The following GTPBP10 variants were observed in gnomAD, a reference collection of about 807,000 sequenced individuals.
GTPBP10 encodes GTP-binding protein 10.
Under a neutral mutation model 44.8 loss-of-function variants are expected in GTPBP10, and 38 were observed. That is an observed-to-expected ratio of 0.85 (90% CI 0.65 to 1.11). The LOEUF is 1.11. GTPBP10 is among the 50% of genes most tolerant of loss of function. The probability of loss-of-function intolerance (pLI) is 0.00; values close to 1 mark genes in which losing one functional copy is unlikely to be tolerated. For synonymous variants in GTPBP10, 152 were observed against 150.6 expected (o/e 1.01, Z -0.07); for missense variants, 462 against 453.7 (o/e 1.02, Z -0.17).
At chr7:90,368,187 T>G (rs1472993883) in intron 4 of GTPBP10, among the ~76,000 whole-genome samples, 5 of 152,206 alleles carry the variant, frequency 3.3e-5, no homozygotes, top group South Asian at 2.1e-4. Context: ...TGGGTAACCG[T>G]ACCTTTCTCT....
At chr7:90,364,829 G>A (rs547133347) in intron 4 of GTPBP10, among the ~76,000 whole-genome samples, 1 of 152,272 alleles carries the variant, frequency 6.6e-6, no homozygotes, top group African/African-American at 2.4e-5. Context: ...GCAATGGCGG[G>A]CACCCCTCCC....
At chr7:90,374,583 T>G (rs937145870) in intron 6 of GTPBP10, among the ~76,000 whole-genome samples, 2 of 152,226 alleles carry the variant, frequency 1.3e-5, no homozygotes, top group African/African-American at 4.8e-5. Context: ...ACATTATGTC[T>G]TCTTCTTAGC....
At chr7:90,381,057 A>G (rs1796427969) in intron 8 of GTPBP10, among the ~76,000 whole-genome samples, 1 of 152,162 alleles carries the variant, frequency 6.6e-6, no homozygotes, top group Admixed American at 6.5e-5. Context: ...GGTTGATTCC[A>G]TGTCTCGGCT....
chr7:90,372,510 G>GTTTTTTT (rs1796278999), intron 5 of GTPBP10, among the ~76,000 whole-genome samples: 2 of 93,606 alleles, frequency 2.1e-5, no homozygotes, highest in African/African-American at 9.1e-5. Flanking sequence ...GGGGACAGGG[G>GTTTTTTT]TTTCGCCATG....
intron 1 of GTPBP10, 134 bp from the exon 2 acceptor site, chr7:90,352,682 A>C: frequency 1.7e-6 from 1 of 578,912 alleles, no homozygotes; most frequent in Non-Finnish European, 2.9e-6. Flanking sequence ...AGCTAAGAAA[A>C]TGTTATAGAA....
intron 8 of GTPBP10, among the ~76,000 whole-genome samples, chr7:90,378,538 C>CT (rs1796383266): frequency 1.3e-5 from 2 of 152,114 alleles, no homozygotes; most frequent in African/African-American, 2.4e-5. Context: ...TATTTCTACT[C>CT]TTACACTATT....
chr7:90,384,602 C>A (rs1473790012), intron 9 of GTPBP10, among the ~76,000 whole-genome samples: 1 of 151,234 alleles, frequency 6.6e-6, no homozygotes, highest in East Asian at 1.9e-4. Flanking sequence ...TAACCCCCCC[C>A]ACACACACAA....
At chr7:90,350,435 G>A (rs928917985) in intron 1 of GTPBP10, among the ~76,000 whole-genome samples, 11 of 149,608 alleles carry the variant, frequency 7.4e-5, no homozygotes, top group African/African-American at 2.5e-4. Flanking sequence ...GGATGGCTGG[G>A]TCAAATGGTA....
chr7:90,387,920 A>T lies in GTPBP10; in HGVS notation c.*2766A>T, dbSNP rs1796552634. The stretch of plus-strand genomic sequence containing the variant: ...CATTGTTTTCTAAATGTAAACAAGT[A>T]TCAATGTAAGGACAGTTTCATCAGG... On this transcript the variant is annotated 3_prime_UTR_variant, in exon 10 of 10. Transcript: ENST00000222511. 1 of 152,220 alleles carries T rather than the reference A, an allele frequency of 6.6e-6. No homozygotes were observed. The highest frequency in any genetic ancestry group is 1.5e-5 in the Non-Finnish European group (1 of 68,046). 9.4% of individuals were successfully genotyped at this position (152,220 alleles called of 1,614,324 possible).
intron 5 of GTPBP10, among the ~76,000 whole-genome samples, chr7:90,374,000 G>A (rs548090178): frequency 1.3e-5 from 2 of 152,108 alleles, no homozygotes; most frequent in South Asian, 2.1e-4. Flanking sequence ...TGCCATGTCT[G>A]CCTAGTTTTA....
In GTPBP10 at chr7:90,391,073, C is replaced by A. The variant is rs1796606900; in HGVS notation, c.*5919C>A. The stretch of plus-strand genomic sequence containing the variant: ...AGAGGACTATATAAAAATTGAACCT[C>A]TGTTTTGAAAACAAATCTTTCCAGG... On this transcript the variant is annotated 3_prime_UTR_variant, in exon 10 of 10. Coordinates refer to ENST00000222511, the MANE Select transcript of GTPBP10 (RefSeq NM_033107.4). The A allele has an allele frequency of 6.6e-6, 1 of 152,152 alleles. No individual in the cohort carries two copies. The highest frequency in any genetic ancestry group is 1.5e-5 in the Non-Finnish European group (1 of 68,010). 9.4% of individuals were successfully genotyped at this position (152,152 alleles called of 1,614,324 possible).
chr7:90,370,862 C>G (rs766185780), intron 4 of GTPBP10, among the ~76,000 whole-genome samples: 1 of 151,850 alleles, frequency 6.6e-6, no homozygotes, highest in Admixed American at 6.6e-5. Flanking sequence ...AAAAAATTAG[C>G]CAGGCATTGT....
chr7:90,372,422 C>T lies in GTPBP10; in HGVS notation c.538+194C>T, dbSNP rs557240811. ...CACTGCAGCCCAGGCTCAAGCCATC[C>T]CCCTGCATCAGCCTCCCATGTAGAT... On this transcript the variant is annotated intron_variant, in intron 5 of 9. Coordinates refer to ENST00000222511, the MANE Select transcript of GTPBP10 (RefSeq NM_033107.4). 3.6e-5 allele frequency among the ~76,000 whole-genome samples: 5 copies of T among 140,554 alleles called. No individual in the cohort carries two copies. The East Asian group carries it at 1.0e-3, about 29-fold the overall frequency. The allele number at this position is 140,554 out of a possible 152,430, so 92.2% of individuals were successfully genotyped here.
In GTPBP10 at chr7:90,352,842, ACT is replaced by A. The variant is rs1795818359; in HGVS notation, c.63_64del (p.Phe22HisfsTer22). 3 of 1,610,864 alleles carry A rather than the reference ACT, an allele frequency of 1.9e-6. No individual in the cohort carries two copies. The highest frequency in any genetic ancestry group is 2.5e-6 in the Non-Finnish European group (3 of 1,179,008). On this transcript the variant is annotated frameshift_variant, in exon 2 of 10. Coordinates refer to ENST00000222511, the MANE Select transcript of GTPBP10 (RefSeq NM_033107.4). LOFTEE classifies it high-confidence loss of function. Reference sequence around the variant, plus strand: ...ATGGAAATTTCATCGATAAGCTAAGACTCTTCACCAGGGGAGGATCCGGTGGA... The same window carrying A: ...ATGGAAATTTCATCGATAAGCTAAGACTTCACCAGGGGAGGATCCGGTGGA... ...KYGNFIDKLR[L>X]FTRGGSGGMG...
chr7:90,351,879 G>A (rs967653778), intron 1 of GTPBP10, among the ~76,000 whole-genome samples: 4 of 152,062 alleles, frequency 2.6e-5, no homozygotes, highest in Admixed American at 1.3e-4. Context: ...TGTATTTTTA[G>A]TAGAGACAGG....
At chr7:90,353,208 C>T (rs42660) in intron 2 of GTPBP10, 199 bp downstream of exon 2, 234,322 of 425,506 alleles carry the variant, frequency 0.55, 66,125 homozygotes, top group East Asian at 0.59. Context: ...ACTTTCTGTC[C>T]GTTTCTTTTC....
intron 4 of GTPBP10, among the ~76,000 whole-genome samples, chr7:90,370,652 C>G (rs555605434): frequency 1.3e-5 from 2 of 152,104 alleles, no homozygotes; most frequent in East Asian, 3.9e-4. Flanking sequence ...CACAATGTAT[C>G]CATGTAACAA....
intron 4 of GTPBP10, among the ~76,000 whole-genome samples, chr7:90,356,935 C>T (rs1251168477): frequency 4.6e-5 from 7 of 152,142 alleles, no homozygotes; most frequent in Non-Finnish European, 1.0e-4. Context: ...GATTCTTAAG[C>T]ATATCAAACA....
intron 4 of GTPBP10, among the ~76,000 whole-genome samples, chr7:90,368,772 A>G (rs1038409418): frequency 6.6e-6 from 1 of 152,174 alleles, no homozygotes; most frequent in Non-Finnish European, 1.5e-5. Flanking sequence ...TTTATTACCA[A>G]CCTTCTGAAG....
Sources: allele counts gnomAD v4.1 joint callset (sites outside exome capture counted in the v4.1 genomes callset), GRCh38; gene constraint gnomAD v4.1.1; transcripts MANE v1.5; gene names NCBI Gene and HGNC (gene_info 2026-07-23, HGNC 2026-07-21).